The following MSRA variants were observed in gnomAD, a reference collection of about 807,000 sequenced individuals.
MSRA encodes the protein methionine sulfoxide reductase A, also known as mitochondrial peptide methionine sulfoxide reductase.
MSRA carries 54 observed loss-of-function variants against 31.3 expected under a neutral mutation model. That is an observed-to-expected ratio of 1.73 (90% CI 1.39 to 2.17). The LOEUF is 2.17. Among genes scored for constraint, MSRA ranks in the 30% most tolerant of loss-of-function variants. The pLI is 0.00. For synonymous variants in MSRA, 169 were observed against 116.5 expected (o/e 1.45, Z -2.90); for missense variants, 507 against 300.9 (o/e 1.69, Z -5.07).
chr8:10,079,952 AC>A (rs1798202331), intron 1 of MSRA, among the ~76,000 whole-genome samples: 1 of 152,150 alleles, frequency 6.6e-6, no homozygotes, highest in South Asian at 2.1e-4. Flanking sequence ...TTTCCTCCTG[AC>A]CTGCGGTAAT....
chr8:10,239,916 A>T (rs2975721), intron 2 of MSRA, among the ~76,000 whole-genome samples: 38,156 of 152,006 alleles, frequency 0.25, 5,656 homozygotes, highest in African/African-American at 0.4. Flanking sequence ...CAGTTTGTTC[A>T]CTGAACTGGT....
At chr8:10,094,401 C>T (rs928814325) in intron 1 of MSRA, among the ~76,000 whole-genome samples, 17 of 152,206 alleles carry the variant, frequency 1.1e-4, no homozygotes, top group South Asian at 2.1e-4. Flanking sequence ...GAAGATGACA[C>T]ATTTGATTGG....
chr8:10,096,891 C>T (rs1197295357), intron 1 of MSRA, among the ~76,000 whole-genome samples: 1 of 152,108 alleles, frequency 6.6e-6, no homozygotes, highest in East Asian at 1.9e-4. Flanking sequence ...GTTATGACTT[C>T]CTATAATCAT....
At chr8:10,423,792 C>G (rs1192435513) in intron 5 of MSRA, among the ~76,000 whole-genome samples, 1 of 152,216 alleles carries the variant, frequency 6.6e-6, no homozygotes, top group African/African-American at 2.4e-5. Context: ...TCCCTCCCAC[C>G]ATTCCTTCCC....
At chr8:10,358,383 C>G (rs1343689061) in intron 5 of MSRA, among the ~76,000 whole-genome samples, 1 of 151,982 alleles carries the variant, frequency 6.6e-6, no homozygotes, top group Non-Finnish European at 1.5e-5. Flanking sequence ...TCCCTCTATT[C>G]TCTTGTTTCC....
At chr8:10,267,861 AAT>A (rs1798827475) in intron 3 of MSRA, among the ~76,000 whole-genome samples, 1 of 152,128 alleles carries the variant, frequency 6.6e-6, no homozygotes, top group East Asian at 1.9e-4. Flanking sequence ...ATGTGGAAAA[AAT>A]GACTTGCACG....
intron 1 of MSRA, among the ~76,000 whole-genome samples, chr8:10,056,885 G>C (rs1802403225): frequency 6.6e-6 from 1 of 152,152 alleles, no homozygotes; most frequent in Admixed American, 6.5e-5. Context: ...CGTGACAAAA[G>C]CATCACCTTT....
At chr8:10,098,023 G>T (rs957099018) in intron 1 of MSRA, among the ~76,000 whole-genome samples, 1 of 151,908 alleles carries the variant, frequency 6.6e-6, no homozygotes, top group Non-Finnish European at 1.5e-5. Context: ...ACGTCTTTGT[G>T]CAAGCTTTTT....
At chr8:10,238,132 G>C (rs1448880817) in intron 2 of MSRA, among the ~76,000 whole-genome samples, 1 of 152,046 alleles carries the variant, frequency 6.6e-6, no homozygotes, top group Non-Finnish European at 1.5e-5. Context: ...AGCCACACTG[G>C]CTTCCTTCCT....
chr8:10,364,049 A>G (rs751054273), intron 5 of MSRA, among the ~76,000 whole-genome samples: 1 of 152,222 alleles, frequency 6.6e-6, no homozygotes, highest in Non-Finnish European at 1.5e-5. Context: ...TCTCTGCCAG[A>G]GAAAACGGTC....
chr8:10,278,701 C>G (rs1231939492), intron 3 of MSRA, among the ~76,000 whole-genome samples: 2 of 152,216 alleles, frequency 1.3e-5, no homozygotes, highest in Non-Finnish European at 2.9e-5. Flanking sequence ...AGATAGAGCT[C>G]TACCTCCCTG....
chr8:10,266,917 C>A (rs932824163), intron 3 of MSRA, among the ~76,000 whole-genome samples: 1 of 152,110 alleles, frequency 6.6e-6, no homozygotes, highest in Non-Finnish European at 1.5e-5. Flanking sequence ...CAATAAACCC[C>A]TAAAGTACAT....
At chr8:10,426,444 C>G (rs1261866859) in intron 5 of MSRA, among the ~76,000 whole-genome samples, 1 of 152,266 alleles carries the variant, frequency 6.6e-6, no homozygotes, top group Non-Finnish European at 1.5e-5. Flanking sequence ...CACGGACTCT[C>G]TGGAGAGGGC....
At chr8:10,371,073 C>G (rs962546111) in intron 5 of MSRA, among the ~76,000 whole-genome samples, 2 of 152,180 alleles carry the variant, frequency 1.3e-5, no homozygotes, top group African/African-American at 2.4e-5. Context: ...ACCATGCTAA[C>G]CCACTGCACC....
intron 4 of MSRA, among the ~76,000 whole-genome samples, chr8:10,316,144 G>T (rs1225614367): frequency 6.6e-6 from 1 of 152,072 alleles, no homozygotes; most frequent in Non-Finnish European, 1.5e-5. Flanking sequence ...CATTGTGCAG[G>T]TGATAGATAG....
intron 1 of MSRA, among the ~76,000 whole-genome samples, chr8:10,104,456 T>A (rs553894438): frequency 6.6e-6 from 1 of 152,254 alleles, no homozygotes; most frequent in East Asian, 1.9e-4. Context: ...ACCTGTAAGA[T>A]GTACACTGGT....
At chr8:10,418,815 T>TAAAAAAAAAAAAAAAAAAAAAA (rs71203323) in intron 5 of MSRA, among the ~76,000 whole-genome samples, 28 of 66,012 alleles carry the variant, frequency 4.2e-4, no homozygotes, top group Admixed American at 1.2e-3. Context: ...TTACTACGAC[T>TAAAAAAAAAAAAAAAAAAAAAA]AAAAAAAAAA....
chr8:10,405,748 C>T (rs1249729746), intron 5 of MSRA, among the ~76,000 whole-genome samples: 1 of 152,040 alleles, frequency 6.6e-6, no homozygotes, highest in Non-Finnish European at 1.5e-5. Flanking sequence ...TGTGTTCACA[C>T]ACACCCATGT....
At chr8:10,296,358 C>T (rs1031619455) in intron 3 of MSRA, among the ~76,000 whole-genome samples, 2 of 152,192 alleles carry the variant, frequency 1.3e-5, no homozygotes, top group African/African-American at 2.4e-5. Context: ...ATAGCAATAA[C>T]AATAGAAACC....
Sources: gnomAD v4.1 joint callset for allele counts (sites outside exome capture counted in the v4.1 genomes callset) on GRCh38, gnomAD v4.1.1 for gene constraint, MANE v1.5 for transcripts, NCBI Gene and HGNC (gene_info 2026-07-23, HGNC 2026-07-21) for gene names.